The following TMPRSS13 variants were observed in gnomAD, a reference collection of about 807,000 sequenced individuals.
TMPRSS13 encodes transmembrane protease serine 13.
Under a neutral mutation model 68.4 loss-of-function variants are expected in TMPRSS13, and 50 were observed. The ratio of observed to expected loss-of-function variants is 0.73; its 90% CI spans 0.58 to 0.93. The LOEUF (loss-of-function observed/expected upper bound fraction) is 0.93, where lower values mean the gene tolerates loss of function less well. TMPRSS13 is among the 40% of genes least tolerant of loss of function. The pLI is 0.00. For synonymous variants in TMPRSS13, 267 were observed against 285.8 expected (o/e 0.93, Z 0.66); for missense variants, 615 against 729.2 (o/e 0.84, Z 1.80).
Position 117,915,082 on chromosome 11 carries a change from A to C in TMPRSS13, c.557-568T>G, listed in dbSNP as rs1248277282. On this transcript the variant is annotated intron_variant, in intron 3 of 12. Coordinates refer to ENST00000524993, the MANE Select transcript of TMPRSS13 (RefSeq NM_001077263.3). The surrounding 1 kb of genome is among the most constrained non-coding windows in gnomAD (Gnocchi z 4.9). ...CTCTATGCTCAGTTCTTTCCCCATGACTTGTCTTTATGCCTTTAAATGTCT... is the reference window on the plus strand; with the variant it reads ...CTCTATGCTCAGTTCTTTCCCCATGCCTTGTCTTTATGCCTTTAAATGTCT... 6.6e-6 allele frequency among the ~76,000 whole-genome samples: 1 copy of C among 152,068 alleles called. No homozygotes were observed. Among genetic ancestry groups the C allele is most frequent in the African/African-American group, 2.4e-5 (1 of 41,402 alleles).
At chr11:117,906,569 A>G (rs1307190059) in intron 9 of TMPRSS13, among the ~76,000 whole-genome samples, 2 of 152,248 alleles carry the variant, frequency 1.3e-5, no homozygotes, top group Non-Finnish European at 2.9e-5. Flanking sequence ...CAAGGCAGGA[A>G]GCGTAGATGG....
At position 117,914,443 on chromosome 11, in the gene TMPRSS13, G is replaced by T. The variant is rs368268142; in HGVS notation, c.628C>A (p.Arg210Ser). ...TTGCAGTCCACCACCCCGTCACAGC[G>T]AACAGCGTGCTTGGGACAGCTCTCC... ...QRESCPKHAV[R>S]CDGVVDCKLK... Residue 210 changes from arginine to serine, a missense_variant, in exon 4 of 13, where the codon CGC becomes AGC. Physicochemically the swap from Arg to Ser is moderately radical, Grantham distance 110. Coordinates refer to ENST00000524993, the MANE Select transcript of TMPRSS13 (RefSeq NM_001077263.3). This position sits in a 1 kb window ranked among gnomAD's most constrained non-coding sequence, Gnocchi z 4.2. 3.7e-6 allele frequency: 6 copies of T among 1,614,038 alleles called. No individual in the cohort carries two copies. The highest frequency in any genetic ancestry group is 5.1e-6 in the Non-Finnish European group (6 of 1,180,026).
Position 117,905,621 on chromosome 11 carries a change from G to A in TMPRSS13, c.1381+17C>T. 1.3e-6 allele frequency: 2 copies of A among 1,577,486 alleles called. No homozygotes were observed. Among genetic ancestry groups the A allele is most frequent in the Non-Finnish European group, 1.7e-6 (2 of 1,156,640 alleles). On this transcript the variant is annotated intron_variant, in intron 10 of 12. Transcript: ENST00000524993. ...CACATGAATACATACACACAACCAA[G>A]CATCTTTGCCTCTTACCATCTGTCT...
At chr11:117,906,094 A>G (rs1316310647) in intron 9 of TMPRSS13, among the ~76,000 whole-genome samples, 1 of 152,204 alleles carries the variant, frequency 6.6e-6, no homozygotes, top group East Asian at 1.9e-4. Flanking sequence ...AGCCTCTTCC[A>G]TGTCTTTCCA....
chr11:117,903,888 C>A, intron 11 of TMPRSS13, 71 bp downstream of exon 11: 3 of 1,595,188 alleles, frequency 1.9e-6, no homozygotes, highest in Non-Finnish European at 2.6e-6. Context: ...ATTCCCACAT[C>A]AGCCCCAACA....
chr11:117,909,854 G>T lies in TMPRSS13; in HGVS notation c.1061C>A (p.Thr354Lys), dbSNP rs753500065. ...GAGCACCCACTGGGCGTCAATGAGC[G>T]TGCCTCCACAGATGTGGGTGGTGCC... is the stretch of plus-strand genomic sequence containing the variant. ...HFGTTHICGG[T>K]LIDAQWVLTA... The change falls in exon 8 of 13, where the codon ACG becomes AAG. Residue 354 changes from threonine (T) to lysine (K), a missense_variant. Thr to Lys is a moderately conservative substitution (Grantham distance 78). Coordinates refer to ENST00000524993, the MANE Select transcript of TMPRSS13 (RefSeq NM_001077263.3). 1.2e-6 allele frequency: 2 copies of T among 1,613,616 alleles called. No individual in the cohort carries two copies. Among genetic ancestry groups the T allele is most frequent in the African/African-American group, 1.3e-5 (1 of 74,932 alleles).
At chr11:117,925,377 G>A (rs1190031040) in intron 1 of TMPRSS13, among the ~76,000 whole-genome samples, 2 of 152,038 alleles carry the variant, frequency 1.3e-5, no homozygotes. Flanking sequence ...GAATCAAGAC[G>A]CCTCCTTGTT....
At position 117,905,738 on chromosome 11, in the gene TMPRSS13, T is replaced by C; in HGVS notation, c.1283-2A>G. The C allele has an allele frequency of 6.3e-7, 1 of 1,593,140 alleles. No homozygotes were observed. Among genetic ancestry groups the C allele is most frequent in the South Asian group, 1.1e-5 (1 of 88,184 alleles). On this transcript the variant is annotated splice_acceptor_variant, in intron 9 of 12. Coordinates refer to ENST00000524993, the MANE Select transcript of TMPRSS13 (RefSeq NM_001077263.3). LOFTEE classifies it high-confidence loss of function. ...GGAGGCAAGCAGGGTGGATGTGAGC[T>C]GCAACAAGACCTCCAGACGTCAGTG...
At chr11:117,903,168 T>C in intron 12 of TMPRSS13, 2 of 1,379,326 alleles carry the variant, frequency 1.4e-6, no homozygotes, top group African/African-American at 1.5e-5. Context: ...GCTGTGAAAG[T>C]TGTCAGAGTT....
chr11:117,919,931 G>T (rs1014740161), intron 1 of TMPRSS13, among the ~76,000 whole-genome samples: 1 of 152,256 alleles, frequency 6.6e-6, no homozygotes, highest in Non-Finnish European at 1.5e-5. Context: ...GATTGGTTAA[G>T]AATGGGGCCC....
intron 9 of TMPRSS13, chr11:117,908,224 T>G: frequency 2.0e-6 from 1 of 512,134 alleles, no homozygotes; most frequent in Non-Finnish European, 3.2e-6. Context: ...AAGTTAATAA[T>G]AGTGCCTGCT....
At chr11:117,916,282 C>G (rs2057577823) in intron 3 of TMPRSS13, among the ~76,000 whole-genome samples, 1 of 152,222 alleles carries the variant, frequency 6.6e-6, no homozygotes, top group Admixed American at 6.5e-5. Context: ...TCCTCTCCCC[C>G]ATGCTGTCCT....
At chr11:117,909,314 CTG>C (rs1192991421) in intron 8 of TMPRSS13, among the ~76,000 whole-genome samples, 1 of 152,228 alleles carries the variant, frequency 6.6e-6, no homozygotes, top group Non-Finnish European at 1.5e-5. Flanking sequence ...GCCAGTGCCC[CTG>C]AGGCCTGGTC....
chr11:117,923,223 C>A (rs943928560), intron 1 of TMPRSS13, among the ~76,000 whole-genome samples: 4 of 152,238 alleles, frequency 2.6e-5, no homozygotes, highest in Admixed American at 6.5e-5. Flanking sequence ...AAACCCAAGG[C>A]CCCCCACTTC....
At chr11:117,919,166 T>C (rs1187493665) in intron 1 of TMPRSS13, among the ~76,000 whole-genome samples, 1 of 152,184 alleles carries the variant, frequency 6.6e-6, no homozygotes, top group African/African-American at 2.4e-5. Flanking sequence ...AAGAGGCTGC[T>C]GGGTTGGTCA....
At chr11:117,903,127 A>C (rs1276119349) in intron 12 of TMPRSS13, 2 of 1,302,828 alleles carry the variant, frequency 1.5e-6, no homozygotes, top group East Asian at 6.4e-5. Context: ...AAGGGAAAGA[A>C]TGGTAGTTCT....
rs1275888973 is a variant in TMPRSS13, at chr11:117,914,254, C to CACACAAACATGCACAT, written c.679+122_679+137dup. 3.7e-5 allele frequency: 45 copies of CACACAAACATGCACAT among 1,203,804 alleles called. No individual in the cohort carries two copies. The Admixed American group carries it at 7.5e-4, about 20-fold the overall frequency. The allele number at this position is 1,203,804 out of a possible 1,614,324, so 74.6% of individuals were successfully genotyped here. A position where few individuals can be genotyped will look rare whatever the true frequency, so the allele number is the denominator to read the frequency against. ...ACGTGCACACACACATACATGCATA[C>CACACAAACATGCACAT]ACACAAACATGCACATACACACACA... is the stretch of plus-strand genomic sequence containing the variant. On this transcript the variant is annotated intron_variant, in intron 4 of 12. Coordinates refer to ENST00000524993, the MANE Select transcript of TMPRSS13 (RefSeq NM_001077263.3). The surrounding 1 kb of genome is among the most constrained non-coding windows in gnomAD (Gnocchi z 4.2).
At position 117,918,664 on chromosome 11, in the gene TMPRSS13, G is replaced by A; in HGVS notation, c.196C>T (p.Pro66Ser). 2 of 1,592,320 alleles carry A rather than the reference G, an allele frequency of 1.3e-6. No homozygotes were observed. Among genetic ancestry groups the A allele is most frequent in the African/African-American group, 1.4e-5 (1 of 73,922 alleles). ...GCCCGGCCTGGAGATGCCCGGCCTG[G>A]AGGTGTACCAGCTGGAGATGCCTGG... ...PAQASPAGTP[P>S]GRASPGRASP... Residue 66 changes from proline (P) to serine (S), a missense_variant, in exon 2 of 13, where the codon CCA (proline) becomes TCA (serine). Physicochemically the swap from Pro to Ser is moderately conservative, Grantham distance 74. Transcript: ENST00000524993.
At chr11:117,908,863 C>A (rs2057491626) in intron 8 of TMPRSS13, 79 bp from the exon 9 acceptor site, 1 of 1,395,812 alleles carries the variant, frequency 7.2e-7, no homozygotes, top group South Asian at 1.4e-5. Context: ...TACAGGGAGC[C>A]ACAGTCAGAG....
Sources: gnomAD v4.1 joint callset for allele counts (sites outside exome capture counted in the v4.1 genomes callset) on GRCh38, gnomAD v4.1.1 for gene constraint, Gnocchi (gnomAD v3.1) non-coding constraint, MANE v1.5 for transcripts, NCBI Gene and HGNC (gene_info 2026-07-23, HGNC 2026-07-21) for gene names.